The following DAB1 variants were observed in gnomAD, a reference collection of about 807,000 sequenced individuals.
The protein encoded by DAB1 is disabled homolog 1.
A neutral mutation model predicts 64.6 loss-of-function variants in DAB1; 15 were observed. That is an observed-to-expected ratio of 0.23 (90% CI 0.16 to 0.36). DAB1 has a LOEUF of 0.36. Ranked by LOEUF, DAB1 falls within the 10% of genes least tolerant of loss-of-function variation. The probability of loss-of-function intolerance (pLI) is 1.00; values close to 1 mark genes in which losing one functional copy is unlikely to be tolerated. For synonymous variants in DAB1, 235 were observed against 251.9 expected, an observed-to-expected ratio of 0.93 and a Z score of 0.64; for missense variants, 596 against 706.7, an observed-to-expected ratio of 0.84 and a Z score of 1.78.
chr1:57,829,966 G>C (rs755143679), intron 1 of DAB1, among the ~76,000 whole-genome samples: 1 of 152,196 alleles, frequency 6.6e-6, no homozygotes, highest in South Asian at 2.1e-4. Context: ...GAAGACTAGC[G>C]TACAGAGAGA....
At chr1:58,219,025 C>CTCTG (rs376130413) in intron 4 of DAB1, among the ~76,000 whole-genome samples, 2,941 of 129,466 alleles carry the variant, frequency 0.023, 80 homozygotes, top group South Asian at 0.07. Context: ...CTCTCTCTCT[C>CTCTG]TGTGTGTGTG....
intron 1 of DAB1, among the ~76,000 whole-genome samples, chr1:57,319,235 T>C (rs754407152): frequency 6.6e-6 from 1 of 152,144 alleles, no homozygotes; most frequent in African/African-American, 2.4e-5. Flanking sequence ...CGGGGAACCA[T>C]TGAGATGGGC....
intron 1 of DAB1, among the ~76,000 whole-genome samples, chr1:57,317,769 A>C (rs914019088): frequency 8.5e-5 from 13 of 152,290 alleles, no homozygotes; most frequent in African/African-American, 3.1e-4. Flanking sequence ...TTACAGGTAC[A>C]TCAACACTTG....
chr1:58,219,858 T>G (rs186670632), intron 4 of DAB1, among the ~76,000 whole-genome samples: 25 of 152,376 alleles, frequency 1.6e-4, no homozygotes, highest in African/African-American at 6.0e-4. Flanking sequence ...TCCCCACTGA[T>G]GAAAGCTCCC....
intron 7 of DAB1, among the ~76,000 whole-genome samples, chr1:57,519,226 A>G (rs1644497420): frequency 6.6e-6 from 1 of 152,152 alleles, no homozygotes; most frequent in Admixed American, 6.5e-5. Context: ...CTCTATAAAT[A>G]CTTATCTTCA....
intron 5 of DAB1, among the ~76,000 whole-genome samples, chr1:58,147,414 C>G (rs972508536): frequency 3.2e-4 from 49 of 150,796 alleles, no homozygotes; most frequent in African/African-American, 1.2e-3. Context: ...GTCAGGAGAT[C>G]GAGACCATCC....
At chr1:58,546,019 T>C (rs1646697289) in intron 1 of DAB1, among the ~76,000 whole-genome samples, 4 of 152,198 alleles carry the variant, frequency 2.6e-5, no homozygotes, top group Admixed American at 2.6e-4. Context: ...TAAGGGATTT[T>C]CATCTCCCTG....
chr1:57,685,962 A>G (rs1009595635), intron 6 of DAB1, among the ~76,000 whole-genome samples: 1 of 152,196 alleles, frequency 6.6e-6, no homozygotes, highest in African/African-American at 2.4e-5. Flanking sequence ...GAAGTTAGAA[A>G]GATCTCAAAA....
intron 1 of DAB1, among the ~76,000 whole-genome samples, chr1:57,413,229 C>A (rs1049403273): frequency 6.6e-6 from 1 of 152,152 alleles, no homozygotes; most frequent in African/African-American, 2.4e-5. Context: ...TGACAACAGA[C>A]CTGGTCACCC....
At chr1:58,075,033 T>G (rs1256140228) in intron 5 of DAB1, among the ~76,000 whole-genome samples, 2 of 152,154 alleles carry the variant, frequency 1.3e-5, no homozygotes, top group African/African-American at 4.8e-5. Flanking sequence ...AGAACCCAGC[T>G]CAAATACTAC....
intron 1 of DAB1, among the ~76,000 whole-genome samples, chr1:57,354,921 GA>G (rs1477213199): frequency 6.6e-6 from 1 of 152,082 alleles, no homozygotes; most frequent in African/African-American, 2.4e-5. Context: ...TGCCATGAGA[GA>G]AATGTGTACA....
rs1047466802 is a variant in DAB1 at position 58,506,188 on chromosome 1, T to C, written n.129A>G. On this transcript the variant is annotated non_coding_transcript_exon_variant, in exon 3 of 21. Coordinates refer to the DAB1 transcript ENST00000485760. ...TCCATTTGCTGCCAAAACACTGAACTGGCTCTTATGTCTGCACAAGCCTAA... is the reference window on the plus strand; with the variant it reads ...TCCATTTGCTGCCAAAACACTGAACCGGCTCTTATGTCTGCACAAGCCTAA... 4 of 871,332 alleles carry C rather than the reference T, an allele frequency of 4.6e-6. 1 individual carries two copies. In the Admixed American group the frequency reaches 5.1e-5, roughly 11 times the overall value. The allele number at this position is 871,332 out of a possible 1,614,324, so 54.0% of individuals were successfully genotyped here. A position where few individuals can be genotyped will look rare whatever the true frequency, so the allele number is the denominator to read the frequency against.
intron 1 of DAB1, among the ~76,000 whole-genome samples, chr1:57,349,251 T>A (rs1007980537): frequency 7.2e-5 from 11 of 152,170 alleles, no homozygotes; most frequent in Non-Finnish European, 1.2e-4. Flanking sequence ...ATTAGGATAT[T>A]TTCCATCCCA....
intron 1 of DAB1, among the ~76,000 whole-genome samples, chr1:57,839,106 C>T (rs1245595660): frequency 1.3e-5 from 2 of 152,126 alleles, no homozygotes; most frequent in Admixed American, 6.5e-5. Context: ...AGCCCCAGCC[C>T]TTCTTTTCAA....
At chr1:57,798,764 G>T (rs1650988827) in intron 6 of DAB1, among the ~76,000 whole-genome samples, 1 of 152,100 alleles carries the variant, frequency 6.6e-6, no homozygotes, top group African/African-American at 2.4e-5. Context: ...TCCATGTCTG[G>T]GCTCACTTTC....
intron 9 of DAB1, among the ~76,000 whole-genome samples, chr1:57,044,930 G>A (rs960641069): frequency 6.6e-6 from 1 of 152,180 alleles, no homozygotes; most frequent in Non-Finnish European, 1.5e-5. Flanking sequence ...ACCATTCTAT[G>A]TGCATTCATA....
At chr1:57,396,923 G>A (rs1397911533) in intron 1 of DAB1, among the ~76,000 whole-genome samples, 1 of 152,048 alleles carries the variant, frequency 6.6e-6, no homozygotes, top group Non-Finnish European at 1.5e-5. Flanking sequence ...TTTCTCATAT[G>A]GCCCAATTGA....
At chr1:57,360,819 G>A (rs1458513974) in intron 1 of DAB1, among the ~76,000 whole-genome samples, 3 of 152,084 alleles carry the variant, frequency 2.0e-5, no homozygotes, top group Non-Finnish European at 2.9e-5. Context: ...CAACTGACTT[G>A]ACTTGTTTAT....
intron 2 of DAB1, among the ~76,000 whole-genome samples, chr1:57,278,789 G>A (rs927599555): frequency 1.2e-4 from 18 of 152,202 alleles, no homozygotes; most frequent in African/African-American, 3.4e-4. Flanking sequence ...AACATTTGCT[G>A]TATTGATTAG....
Sources: gnomAD v4.1 joint callset for allele counts (sites outside exome capture counted in the v4.1 genomes callset) on GRCh38, gnomAD v4.1.1 for gene constraint, MANE v1.5 for transcripts, NCBI Gene and HGNC (gene_info 2026-07-23, HGNC 2026-07-21) for gene names.